The following SPATA31H1 variants were observed in gnomAD, a reference collection of about 807,000 sequenced individuals.
The protein encoded by SPATA31H1 is SPATA31 subfamily H member 1, also known as spermatogenesis-associated protein 31H1.
At chr2:27,570,426 G>C in the SPATA31H1 span, 1 of 398,804 alleles carries the variant, frequency 2.5e-6, no homozygotes, top group African/African-American at 2.1e-5. Context: ...GCTGCAAGGT[G>C]TCAATTCTGC....
chr2:27,541,024 G>A, the SPATA31H1 span, among the ~76,000 whole-genome samples: 3 of 141,020 alleles, frequency 2.1e-5, no homozygotes, highest in South Asian at 2.3e-4. Flanking sequence ...GCACTTTGGG[G>A]GGCCAAGGCA....
the SPATA31H1 span, among the ~76,000 whole-genome samples, chr2:27,558,941 G>T: frequency 2.1e-5 from 3 of 145,154 alleles, no homozygotes; most frequent in Non-Finnish European, 4.6e-5. Flanking sequence ...GAGGGAGAGG[G>T]AGAGGGAGAG....
chr2:27,577,735 C>A, the SPATA31H1 span: 4 of 1,614,090 alleles, frequency 2.5e-6, no homozygotes, highest in Non-Finnish European at 3.4e-6. The surrounding 1 kb of genome is among the most constrained non-coding windows in gnomAD (Gnocchi z 4.5). Flanking sequence ...CATGTGGGAT[C>A]TCCAGGGATA....
At chr2:27,569,544 T>C in the SPATA31H1 span, 53 of 398,762 alleles carry the variant, frequency 1.3e-4, no homozygotes, top group African/African-American at 8.2e-4. Context: ...ATCTAAAAAG[T>C]TAATTACAGA....
At chr2:27,581,721 A>C in the SPATA31H1 span, 1 of 1,613,008 alleles carries the variant, frequency 6.2e-7, no homozygotes, top group Non-Finnish European at 8.5e-7. Flanking sequence ...CTCTAAGAGA[A>C]GCCATCGCAG....
chr2:27,579,157 G>A, the SPATA31H1 span: 3 of 1,614,130 alleles, frequency 1.9e-6, no homozygotes, highest in Admixed American at 5.0e-5. Flanking sequence ...GTTCAGAAAG[G>A]TCTCATCAAG....
At chr2:27,562,886 CA>C in the SPATA31H1 span, among the ~76,000 whole-genome samples, 257 of 123,810 alleles carry the variant, frequency 2.1e-3, no homozygotes, top group South Asian at 2.8e-3. Flanking sequence ...GATTCTGTCT[CA>C]AAAAAAAAAA....
chr2:27,563,621 G>T, the SPATA31H1 span, among the ~76,000 whole-genome samples: 1 of 150,710 alleles, frequency 6.6e-6, no homozygotes, highest in East Asian at 1.9e-4. Context: ...GTTCAGTGGC[G>T]TGATCTCAGC....
chr2:27,580,294 A>T, the SPATA31H1 span: 9 of 1,614,188 alleles, frequency 5.6e-6, no homozygotes. Context: ...AGCAGGCCTG[A>T]CTTAGTAGAA....
At chr2:27,571,515 T>C in the SPATA31H1 span, 2 of 398,220 alleles carry the variant, frequency 5.0e-6, no homozygotes, top group African/African-American at 4.1e-5. Context: ...AACTGAGGAG[T>C]TGGTCCTAGG....
At chr2:27,579,523 C>T in the SPATA31H1 span, 2 of 1,614,156 alleles carry the variant, frequency 1.2e-6, no homozygotes, top group South Asian at 2.2e-5. Context: ...GGCTCCACAT[C>T]TTCCATAATA....
At chr2:27,564,840 T>C in the SPATA31H1 span, among the ~76,000 whole-genome samples, 2 of 152,160 alleles carry the variant, frequency 1.3e-5, no homozygotes, top group African/African-American at 2.4e-5. Context: ...TTGTAACAAA[T>C]GTCATTACTG....
chr2:27,556,459 T>C, the SPATA31H1 span, among the ~76,000 whole-genome samples: 2 of 151,688 alleles, frequency 1.3e-5, no homozygotes, highest in Non-Finnish European at 2.9e-5. Flanking sequence ...GGACTCCTAT[T>C]ACTGTGTCCC....
chr2:27,581,824 A>G, the SPATA31H1 span: 96 of 1,589,152 alleles, frequency 6.0e-5, no homozygotes, highest in Admixed American at 3.3e-4. Context: ...AGAAGACATC[A>G]CAGTCCCTCT....
At chr2:27,560,014 C>T in the SPATA31H1 span, among the ~76,000 whole-genome samples, 3 of 151,870 alleles carry the variant, frequency 2.0e-5, no homozygotes, top group African/African-American at 4.8e-5. Context: ...ACTACAGGCG[C>T]GCACCACCAT....
the SPATA31H1 span, chr2:27,579,509 A>T: frequency 2.5e-6 from 4 of 1,614,066 alleles, no homozygotes; most frequent in East Asian, 8.9e-5. Context: ...GGATATGGAC[A>T]CGTGGCTCCA....
At chr2:27,574,037 A>C in the SPATA31H1 span, 2 of 398,332 alleles carry the variant, frequency 5.0e-6, no homozygotes, top group African/African-American at 4.1e-5. Flanking sequence ...CCAGTTCACA[A>C]TTGAAAGATA....
At chr2:27,547,688 C>CT in the SPATA31H1 span, among the ~76,000 whole-genome samples, 1 of 151,920 alleles carries the variant, frequency 6.6e-6, no homozygotes, top group Non-Finnish European at 1.5e-5. Flanking sequence ...TTTAGACTTT[C>CT]TTAATTTATC....
At chr2:27,570,007 A>G in the SPATA31H1 span, 4 of 398,848 alleles carry the variant, frequency 1.0e-5, no homozygotes, top group Non-Finnish European at 1.8e-5. Context: ...TTTATCCCAG[A>G]GCCAACACAT....
Sources: allele counts gnomAD v4.1 joint callset (sites outside exome capture counted in the v4.1 genomes callset), GRCh38; gene constraint gnomAD v4.1.1; non-coding constraint Gnocchi (gnomAD v3.1); transcripts MANE v1.5; gene names NCBI Gene and HGNC (gene_info 2026-07-23, HGNC 2026-07-21).